The following DYNC1I1 variants were observed in gnomAD, a reference collection of about 807,000 sequenced individuals.
DYNC1I1 encodes the protein dynein cytoplasmic 1 intermediate chain 1.
A neutral mutation model predicts 86.6 loss-of-function variants in DYNC1I1; 43 were observed. The observed-to-expected ratio is 0.50, with a 90% CI of 0.39 to 0.64. The LOEUF is 0.64. Ranked by LOEUF, DYNC1I1 falls within the 30% of genes least tolerant of loss-of-function variation. DYNC1I1 has a pLI of 0.00. For synonymous variants in DYNC1I1, 262 were observed against 283.7 expected, an observed-to-expected ratio of 0.92 and a Z score of 0.77; for missense variants, 604 against 788.8, an observed-to-expected ratio of 0.77 and a Z score of 2.81.
At chr7:95,795,567 C>A (rs35501780) in intron 1 of DYNC1I1, among the ~76,000 whole-genome samples, 4 of 151,946 alleles carry the variant, frequency 2.6e-5, no homozygotes, top group Non-Finnish European at 5.9e-5. Flanking sequence ...TAAAAAAGAA[C>A]GAGATCATGT....
intron 6 of DYNC1I1, among the ~76,000 whole-genome samples, chr7:95,939,162 C>T (rs1236737906): frequency 6.6e-6 from 1 of 152,122 alleles, no homozygotes; most frequent in Non-Finnish European, 1.5e-5. Flanking sequence ...GTCTGAGAGA[C>T]AGTTTGTTAT....
intron 5 of DYNC1I1, among the ~76,000 whole-genome samples, chr7:95,829,031 GATATCTCTAAGTGAACAGCAAGTTTC>G (rs1240599647): frequency 6.6e-6 from 1 of 152,140 alleles, no homozygotes; most frequent in Non-Finnish European, 1.5e-5. Flanking sequence ...CAGAGCACTG[GATATCTCTAAGTGAACAGCAAGTTTC>G]ATAACCACAT....
chr7:95,961,345 GA>G (rs907477816), intron 6 of DYNC1I1, among the ~76,000 whole-genome samples: 1 of 152,060 alleles, frequency 6.6e-6, no homozygotes, highest in Non-Finnish European at 1.5e-5. Flanking sequence ...TCCATTCAGT[GA>G]AAAAACTAAC....
intron 2 of DYNC1I1, among the ~76,000 whole-genome samples, chr7:95,809,658 G>A (rs1794783438): frequency 1.3e-5 from 2 of 152,116 alleles, no homozygotes; most frequent in African/African-American, 2.4e-5. Flanking sequence ...ACTGGGCATA[G>A]GATCTGACAT....
chr7:95,955,636 G>A (rs1792691338), intron 6 of DYNC1I1, among the ~76,000 whole-genome samples: 1 of 152,120 alleles, frequency 6.6e-6, no homozygotes, highest in Non-Finnish European at 1.5e-5. Flanking sequence ...ACCACAGAGA[G>A]GTGAGAAGCA....
chr7:96,108,721 G>A (rs760769680), intron 16 of DYNC1I1, among the ~76,000 whole-genome samples: 2 of 151,924 alleles, frequency 1.3e-5, no homozygotes, highest in Non-Finnish European at 2.9e-5. Flanking sequence ...AATTAACCGG[G>A]TGTGGTGGTG....
At chr7:95,780,341 C>A (rs1025999043) in intron 1 of DYNC1I1, among the ~76,000 whole-genome samples, 5 of 151,602 alleles carry the variant, frequency 3.3e-5, no homozygotes, top group African/African-American at 1.2e-4. Context: ...GATCTTGGCT[C>A]ACTGCAAGCT....
intron 4 of DYNC1I1, among the ~76,000 whole-genome samples, chr7:95,817,088 A>T (rs553075767): frequency 6.6e-6 from 1 of 152,142 alleles, no homozygotes. Flanking sequence ...TAGGTATTTG[A>T]TAAATGTTTG....
At chr7:96,073,837 T>A (rs1219827956) in intron 14 of DYNC1I1, among the ~76,000 whole-genome samples, 2 of 152,200 alleles carry the variant, frequency 1.3e-5, no homozygotes, top group Non-Finnish European at 2.9e-5. Flanking sequence ...TCATTGAAGG[T>A]GCAGCCACTC....
At position 95,968,822 on chromosome 7, in the gene DYNC1I1, C is replaced by CTGTG. The variant is rs1491236339; in HGVS notation, c.491-8689_491-8688insGTGT. On this transcript the variant is annotated intron_variant, in intron 6 of 16. Coordinates refer to ENST00000447467, the MANE Select transcript of DYNC1I1 (RefSeq NM_001135556.2). ...ATCTTCAATTGTTCTGAATTTTTTGCTCTGTGTGTGTGTGTGTGTGTGTGT... is the reference window on the plus strand; with the variant it reads ...ATCTTCAATTGTTCTGAATTTTTTGCTGTGTCTGTGTGTGTGTGTGTGTGTGTGT... Among the ~76,000 whole-genome samples the CTGTG allele has an allele frequency of 8.8e-4, 117 of 133,634 alleles. No homozygotes were observed. The East Asian group carries it at 9.1e-3, about 10-fold the overall frequency. 87.7% of individuals were successfully genotyped at this position (133,634 alleles called of 152,430 possible). A position where few individuals can be genotyped will look rare whatever the true frequency, so the allele number is the denominator to read the frequency against.
chr7:95,785,122 C>T (rs1562891275), intron 1 of DYNC1I1, among the ~76,000 whole-genome samples: 1 of 152,226 alleles, frequency 6.6e-6, no homozygotes, highest in African/African-American at 2.4e-5. Flanking sequence ...CCTGTGACAG[C>T]CATTAAAAAC....
At chr7:96,023,521 C>T (rs916680472) in intron 10 of DYNC1I1, among the ~76,000 whole-genome samples, 5 of 152,176 alleles carry the variant, frequency 3.3e-5, no homozygotes, top group African/African-American at 1.2e-4. Flanking sequence ...AAATAGAAAA[C>T]AGCCTCCACA....
rs1383834216 is a variant in DYNC1I1 at position 95,982,139 on chromosome 7, T to C, written c.581-2676T>C. On this transcript the variant is annotated intron_variant, in intron 7 of 16. Transcript: ENST00000447467. ...TTTAAAGATCTTTGAGTATGGGTGG[T>C]TTTGTTTATTTAATCAAAAATTACT... Among the ~76,000 whole-genome samples the C allele has an allele frequency of 2.0e-5, 3 of 152,100 alleles. No individual in the cohort carries two copies. The East Asian group carries it at 5.8e-4, about 29-fold the overall frequency.
At chr7:95,998,480 C>T (rs142326437) in intron 10 of DYNC1I1, among the ~76,000 whole-genome samples, 14 of 152,342 alleles carry the variant, frequency 9.2e-5, no homozygotes, top group African/African-American at 3.1e-4. Context: ...AAAACCAAAG[C>T]CTTCACTCAC....
At chr7:95,856,182 G>A (rs1235417282) in intron 5 of DYNC1I1, among the ~76,000 whole-genome samples, 1 of 151,576 alleles carries the variant, frequency 6.6e-6, no homozygotes, top group Non-Finnish European at 1.5e-5. Flanking sequence ...TTTTTGTTAA[G>A]AACTGTGACA....
At chr7:96,006,731 A>G (rs914387124) in intron 10 of DYNC1I1, among the ~76,000 whole-genome samples, 3 of 152,220 alleles carry the variant, frequency 2.0e-5, no homozygotes, top group African/African-American at 7.2e-5. Flanking sequence ...TCTCCAAACT[A>G]TCCTTTGTGC....
downstream of DYNC1I1, among the ~76,000 whole-genome samples, chr7:96,100,683 G>GTGTGTGTGTGTGTGTGTGT (rs1242772590): frequency 1.2e-4 from 8 of 66,460 alleles, no homozygotes; most frequent in African/African-American, 3.6e-4. Context: ...TGTGTGTGTG[G>GTGTGTGTGTGTGTGTGTGT]TAAGGAAGAG....
intron 15 of DYNC1I1, 128 bp downstream of exon 15, chr7:96,076,325 GGCCCCCA>G: frequency 1.5e-6 from 2 of 1,371,800 alleles, no homozygotes; most frequent in Non-Finnish European, 1.9e-6. Flanking sequence ...CAGGGCTGCC[GGCCCCCA>G]TTCTTGACTA....
intron 6 of DYNC1I1, among the ~76,000 whole-genome samples, chr7:95,924,394 G>A (rs1791687546): frequency 6.6e-6 from 1 of 152,138 alleles, no homozygotes; most frequent in Non-Finnish European, 1.5e-5. Context: ...GAAAAGAATG[G>A]AAAATATGTC....
Sources: allele counts gnomAD v4.1 joint callset (sites outside exome capture counted in the v4.1 genomes callset), GRCh38; gene constraint gnomAD v4.1.1; transcripts MANE v1.5; gene names NCBI Gene and HGNC (gene_info 2026-07-23, HGNC 2026-07-21).